CCDC149: variants seen among roughly 807,000 people sequenced by gnomAD.
CCDC149 encodes coiled-coil domain containing 149.
In CCDC149, 45 loss-of-function variants were observed where a neutral mutation model predicts 59.9. That is an observed-to-expected ratio of 0.75 (90% CI 0.59 to 0.96). CCDC149 has a LOEUF of 0.96. Ranked by LOEUF, CCDC149 falls within the 40% of genes least tolerant of loss-of-function variation. The pLI is 0.00. For missense variants in CCDC149, 584 were observed against 664.7 expected (o/e 0.88, Z 1.33); for synonymous variants, 245 against 260.6 (o/e 0.94, Z 0.58).
intron 1 of CCDC149, among the ~76,000 whole-genome samples, chr4:24,894,514 G>A (rs1306627187): frequency 6.6e-6 from 1 of 151,956 alleles, no homozygotes; most frequent in Non-Finnish European, 1.5e-5. Context: ...ACAAATTCCA[G>A]CAATCAAAAT....
rs1381721941 is a variant in CCDC149, at chr4:24,819,871, C to A, written c.1180G>T (p.Asp394Tyr). The stretch of plus-strand genomic sequence containing the variant: ...GAGGCGTGCTTACCATCCTTGGGAT[C>A]TGCTTTGTTCTCAGTGGGCTGCTCG... Residue 394 changes from aspartate to tyrosine, a missense_variant, in exon 12 of 13, where the codon GAT (aspartate) becomes TAT (tyrosine). Asp to Tyr is a radical substitution (Grantham distance 160, BLOSUM62 -3). Transcript: ENST00000635206. 3.9e-6 allele frequency: 6 copies of A among 1,551,274 alleles called. No individual in the cohort carries two copies. The African/African-American group carries it at 6.8e-5, about 18-fold the overall frequency.
chr4:24,980,073 C>T (rs1334872620), exon 1 of CCDC149: 1 of 152,180 alleles, frequency 6.6e-6, no homozygotes, highest in Non-Finnish European at 1.5e-5. Flanking sequence ...TTTTACCTGA[C>T]GTTCACATCG....
chr4:24,917,112 G>A (rs1722150923), upstream of CCDC149, among the ~76,000 whole-genome samples: 1 of 152,128 alleles, frequency 6.6e-6, no homozygotes, highest in South Asian at 2.1e-4. Flanking sequence ...CCCTACAGAG[G>A]GCCAGCAGCC....
chr4:24,852,707 A>G (rs532122271), intron 4 of CCDC149, among the ~76,000 whole-genome samples: 21 of 152,234 alleles, frequency 1.4e-4, no homozygotes, highest in Non-Finnish European at 2.6e-4. Context: ...CCGAATGTGA[A>G]TAATTCCAAA....
chr4:24,942,004 C>T (rs913573859), intron 1 of CCDC149, among the ~76,000 whole-genome samples: 1 of 152,194 alleles, frequency 6.6e-6, no homozygotes, highest in African/African-American at 2.4e-5. Flanking sequence ...TGAAACTATT[C>T]CAATCAATAG....
intron 1 of CCDC149, chr4:24,979,981 G>T (rs1008370011): frequency 6.6e-6 from 1 of 152,112 alleles, no homozygotes; most frequent in Non-Finnish European, 1.5e-5. Flanking sequence ...AATAATCAAC[G>T]AGTTATTTTA....
chr4:24,861,274 C>CACAT (rs1553852790), intron 3 of CCDC149, among the ~76,000 whole-genome samples: 1 of 151,490 alleles, frequency 6.6e-6, no homozygotes, highest in African/African-American at 2.4e-5. Context: ...CACACACACA[C>CACAT]ACACACACAC....
At chr4:24,874,266 T>G (rs1371583748) in intron 2 of CCDC149, among the ~76,000 whole-genome samples, 4 of 26,506 alleles carry the variant, frequency 1.5e-4, no homozygotes, top group South Asian at 2.4e-3. Flanking sequence ...TTTTGTTTTG[T>G]TTTTTTTTGT....
chr4:24,921,732 C>T (rs140811506), intron 1 of CCDC149, among the ~76,000 whole-genome samples: 5 of 152,292 alleles, frequency 3.3e-5, no homozygotes, highest in East Asian at 1.9e-4. Flanking sequence ...TAATTACCCA[C>T]GTATGTGAAG....
At chr4:24,869,906 G>A (rs1718932669) in intron 3 of CCDC149, among the ~76,000 whole-genome samples, 1 of 152,204 alleles carries the variant, frequency 6.6e-6, no homozygotes, top group African/African-American at 2.4e-5. Flanking sequence ...GTCGATGAGT[G>A]TATAGCAGCC....
chr4:24,945,128 G>A (rs988892976), intron 1 of CCDC149, among the ~76,000 whole-genome samples: 1 of 152,214 alleles, frequency 6.6e-6, no homozygotes, highest in Non-Finnish European at 1.5e-5. Context: ...TCCCAGGCTT[G>A]TTGACCCAGT....
chr4:24,928,097 A>T (rs1282866847), intron 1 of CCDC149, among the ~76,000 whole-genome samples: 4 of 152,202 alleles, frequency 2.6e-5, no homozygotes, highest in Non-Finnish European at 5.9e-5. Flanking sequence ...CTTTGAAAGG[A>T]TTCTATTACA....
At chr4:24,975,242 C>T (rs61791870) in intron 1 of CCDC149, among the ~76,000 whole-genome samples, 37,817 of 149,602 alleles carry the variant, frequency 0.25, 5,100 homozygotes, top group East Asian at 0.55. Flanking sequence ...GTTATAGCAG[C>T]ACAAAACAGA....
chr4:24,858,754 G>A (rs182486991), intron 3 of CCDC149, among the ~76,000 whole-genome samples: 7 of 152,336 alleles, frequency 4.6e-5, no homozygotes, highest in Admixed American at 2.0e-4. Flanking sequence ...TCTCTGGACA[G>A]GGATGATGAC....
chr4:24,878,235 A>AAAAG lies in CCDC149; in HGVS notation c.64-1542_64-1539dup, dbSNP rs1220125127. Among the ~76,000 whole-genome samples, 21 of 147,210 alleles carry AAAAG rather than the reference A, an allele frequency of 1.4e-4. 1 individual carries two copies. Among genetic ancestry groups the AAAAG allele is most frequent in the Non-Finnish European group, 1.9e-4 (13 of 66,824 alleles). On this transcript the variant is annotated intron_variant, in intron 1 of 12. Transcript: ENST00000635206. ...TTTTCCTAAAAAAAAAAAAAAAAAA[A>AAAAG]AAAGAAAGTAATTGCTTAGCTTCAA...
intron 3 of CCDC149, among the ~76,000 whole-genome samples, chr4:24,867,863 T>G (rs935787937): frequency 6.6e-6 from 1 of 152,214 alleles, no homozygotes; most frequent in African/African-American, 2.4e-5. Context: ...AAATTCAACC[T>G]TCTGGGTCAA....
At chr4:24,933,464 G>GA (rs965843876) in intron 1 of CCDC149, among the ~76,000 whole-genome samples, 1 of 152,078 alleles carries the variant, frequency 6.6e-6, no homozygotes, top group African/African-American at 2.4e-5. Flanking sequence ...TGAGATTAAA[G>GA]AAAAAAATGT....
chr4:24,956,194 C>T (rs541754396), intron 1 of CCDC149, among the ~76,000 whole-genome samples: 2 of 144,428 alleles, frequency 1.4e-5, no homozygotes, highest in Non-Finnish European at 3.0e-5. Flanking sequence ...GGACAAAGTT[C>T]TTGTGAGATG....
chr4:24,900,867 G>A (rs1297188310), intron 1 of CCDC149, among the ~76,000 whole-genome samples: 1 of 152,156 alleles, frequency 6.6e-6, no homozygotes, highest in African/African-American at 2.4e-5. Context: ...GTGAGATAAA[G>A]GTGGGAGCCA....
Sources: gnomAD v4.1 joint callset for allele counts (sites outside exome capture counted in the v4.1 genomes callset) on GRCh38, gnomAD v4.1.1 for gene constraint, MANE v1.5 for transcripts, NCBI Gene and HGNC (gene_info 2026-07-23, HGNC 2026-07-21) for gene names.